PDLIM5: variants seen among roughly 807,000 people sequenced by gnomAD.
The protein encoded by PDLIM5 is PDZ and LIM domain protein 5.
A neutral mutation model predicts 64.2 loss-of-function variants in PDLIM5; 34 were observed. The observed-to-expected ratio is 0.53, with a 90% confidence interval of 0.40 to 0.71. The LOEUF is 0.71. Ranked by LOEUF, PDLIM5 falls within the 30% of genes least tolerant of loss-of-function variation. The pLI is 0.00. For missense variants in PDLIM5, 683 were observed against 733.6 expected (o/e 0.93, Z 0.80); for synonymous variants, 253 against 269.1 (o/e 0.94, Z 0.59).
intron 9 of PDLIM5, among the ~76,000 whole-genome samples, chr4:94,654,145 C>G (rs1054408069): frequency 4.6e-5 from 7 of 152,150 alleles, no homozygotes; most frequent in South Asian, 2.1e-4. Flanking sequence ...TCCTCATTCT[C>G]AATCCTACCC....
chr4:94,508,380 G>A (rs1056494741), intron 2 of PDLIM5, among the ~76,000 whole-genome samples: 1 of 152,216 alleles, frequency 6.6e-6, no homozygotes, highest in East Asian at 1.9e-4. Context: ...AGTGGTATTG[G>A]TGGAAGTTCT....
intron 2 of PDLIM5, among the ~76,000 whole-genome samples, chr4:94,482,206 G>A (rs970171756): frequency 5.3e-5 from 8 of 150,788 alleles, no homozygotes; most frequent in Non-Finnish European, 1.0e-4. Flanking sequence ...GTCTTGTTCT[G>A]TCACCCAGGC....
chr4:94,503,332 G>A (rs188654725), intron 2 of PDLIM5, among the ~76,000 whole-genome samples: 13 of 152,290 alleles, frequency 8.5e-5, no homozygotes, highest in Non-Finnish European at 1.5e-4. Context: ...TAACTTTTTG[G>A]ATACTGAATA....
At chr4:94,654,218 A>G (rs1742043226) in intron 9 of PDLIM5, among the ~76,000 whole-genome samples, 1 of 152,166 alleles carries the variant, frequency 6.6e-6, no homozygotes, top group Non-Finnish European at 1.5e-5. Context: ...CTTAGGCAGA[A>G]AAAGGGTGGG....
chr4:94,457,164 A>G (rs1723450763), intron 2 of PDLIM5: 2 of 972,400 alleles, frequency 2.1e-6, no homozygotes, highest in Non-Finnish European at 2.4e-6. Context: ...AAATATCCTT[A>G]TTAAAATACT....
chr4:94,530,592 T>C (rs1404745335), intron 3 of PDLIM5, among the ~76,000 whole-genome samples: 1 of 151,054 alleles, frequency 6.6e-6, no homozygotes, highest in African/African-American at 2.4e-5. Flanking sequence ...TAGTGGCATG[T>C]CTGTGGTTTT....
intron 2 of PDLIM5, among the ~76,000 whole-genome samples, chr4:94,472,954 T>C (rs963135570): frequency 6.6e-6 from 1 of 152,180 alleles, no homozygotes; most frequent in African/African-American, 2.4e-5. Context: ...ATCTATGTTT[T>C]AGGGAGGTGA....
chr4:94,576,785 A>T lies in PDLIM5; in HGVS notation c.710+751A>T, dbSNP rs576596150. ...TCCCTTTTGGGGGTATCTTTTTATTAAAAAAATTGGTTGAAGTTATTAACT... is the reference window on the plus strand; with the variant it reads ...TCCCTTTTGGGGGTATCTTTTTATTTAAAAAATTGGTTGAAGTTATTAACT... On this transcript the variant is annotated intron_variant, in intron 5 of 12. Coordinates refer to ENST00000317968, the MANE Select transcript of PDLIM5 (RefSeq NM_006457.5). Among the ~76,000 whole-genome samples the T allele has an allele frequency of 2.6e-5, 4 of 152,276 alleles. No homozygotes were observed. The East Asian group carries it at 7.7e-4, about 29-fold the overall frequency.
chr4:94,644,163 C>T (rs1215081958), intron 9 of PDLIM5, among the ~76,000 whole-genome samples: 1 of 152,144 alleles, frequency 6.6e-6, no homozygotes, highest in Non-Finnish European at 1.5e-5. Context: ...AAATATTGCA[C>T]CAAGAATTTT....
chr4:94,584,097 G>A lies in PDLIM5; in HGVS notation c.711-1468G>A, dbSNP rs367813619. Reference sequence around the variant, plus strand: ...TGTAACTGTTAAAATGATGACAGTCGTGTGGCCTGCGGATAGCACTATGAT... The same window carrying A: ...TGTAACTGTTAAAATGATGACAGTCATGTGGCCTGCGGATAGCACTATGAT... On this transcript the variant is annotated intron_variant, in intron 5 of 12. Transcript: ENST00000317968. Among the ~76,000 whole-genome samples, 30 of 152,286 alleles carry A rather than the reference G, an allele frequency of 2.0e-4. No individual in the cohort carries two copies. In the South Asian group the frequency reaches 3.9e-3, roughly 20 times the overall value.
intron 7 of PDLIM5, among the ~76,000 whole-genome samples, chr4:94,607,243 A>G (rs1277201224): frequency 1.3e-5 from 2 of 151,760 alleles, no homozygotes; most frequent in Non-Finnish European, 2.9e-5. Flanking sequence ...ATGACTGACC[A>G]TTCTATTTTT....
At chr4:94,504,343 G>C (rs1055925039) in intron 2 of PDLIM5, among the ~76,000 whole-genome samples, 1 of 151,306 alleles carries the variant, frequency 6.6e-6, no homozygotes, top group Non-Finnish European at 1.5e-5. Flanking sequence ...GTTGGAGTGC[G>C]GTGGCACTAT....
intron 2 of PDLIM5, among the ~76,000 whole-genome samples, chr4:94,462,802 C>T (rs77430426): frequency 0.011 from 1,713 of 152,226 alleles, 32 homozygotes; most frequent in African/African-American, 0.04. Flanking sequence ...CCTATGCTAG[C>T]CTAAGTTTCA....
At chr4:94,574,353 C>G (rs923775078) in intron 4 of PDLIM5, among the ~76,000 whole-genome samples, 5 of 151,942 alleles carry the variant, frequency 3.3e-5, no homozygotes, top group African/African-American at 9.7e-5. Flanking sequence ...CAAAAATTAG[C>G]TGGGCATGGT....
At chr4:94,649,196 G>A (rs982442314) in intron 9 of PDLIM5, among the ~76,000 whole-genome samples, 4 of 151,882 alleles carry the variant, frequency 2.6e-5, no homozygotes, top group Non-Finnish European at 4.4e-5. Context: ...GGCTGGTCTC[G>A]AACTCCTGGC....
intron 3 of PDLIM5, among the ~76,000 whole-genome samples, chr4:94,543,153 G>C (rs901826403): frequency 1.3e-5 from 2 of 152,072 alleles, no homozygotes; most frequent in African/African-American, 4.8e-5. Context: ...ACAAACTAGG[G>C]GATTTAAAAC....
intron 3 of PDLIM5, among the ~76,000 whole-genome samples, chr4:94,543,014 A>G (rs867112062): frequency 6.6e-6 from 1 of 152,336 alleles, no homozygotes; most frequent in Non-Finnish European, 1.5e-5. Context: ...TCAGCCCCTC[A>G]TATATTTTCA....
Position 94,555,524 on chromosome 4 carries a change from G to A in PDLIM5, c.249-17827G>A, listed in dbSNP as rs150918048. Among the ~76,000 whole-genome samples, 358 of 152,258 alleles carry A rather than the reference G, an allele frequency of 2.4e-3. 3 individuals are homozygous for A. The Middle Eastern group carries it at 0.024, about 10-fold the overall frequency. Reference sequence around the variant, plus strand: ...TAGATTTGTCATCTAGTAGAATTGAGTATTAGTGTGAAGAATCCTTGTGCT... The same window carrying A: ...TAGATTTGTCATCTAGTAGAATTGAATATTAGTGTGAAGAATCCTTGTGCT... On this transcript the variant is annotated intron_variant, in intron 3 of 12. Transcript: ENST00000317968.
At chr4:94,509,603 G>A (rs1047898344) in intron 2 of PDLIM5, among the ~76,000 whole-genome samples, 1 of 152,142 alleles carries the variant, frequency 6.6e-6, no homozygotes. Flanking sequence ...GAATATATAT[G>A]TAAAGGTGAG....
Sources: allele counts gnomAD v4.1 joint callset (sites outside exome capture counted in the v4.1 genomes callset), GRCh38; gene constraint gnomAD v4.1.1; transcripts MANE v1.5; gene names NCBI Gene and HGNC (gene_info 2026-07-23, HGNC 2026-07-21).